CCDC7: variants seen among roughly 807,000 people sequenced by gnomAD.
The protein encoded by CCDC7 is coiled-coil domain-containing protein 7.
A neutral mutation model predicts 196.9 loss-of-function variants in CCDC7; 183 were observed. The observed-to-expected ratio is 0.93, with a 90% CI of 0.82 to 1.05. The LOEUF (loss-of-function observed/expected upper bound fraction) is 1.05. CCDC7 is among the 50% of genes least tolerant of loss of function. The pLI is 0.00. For missense variants in CCDC7, 1,540 were observed against 1,482.2 expected (o/e 1.04, Z -0.64); for synonymous variants, 525 against 484.6 (o/e 1.08, Z -1.10).
chr10:32,455,801 A>G (rs2034203673), intron 2 of CCDC7, among the ~76,000 whole-genome samples: 1 of 152,188 alleles, frequency 6.6e-6, no homozygotes, highest in Non-Finnish European at 1.5e-5. Flanking sequence ...TTTTTTCCTC[A>G]AAGTTGTGTA....
intron 23 of CCDC7, among the ~76,000 whole-genome samples, chr10:32,692,517 A>G (rs757446728): frequency 3.9e-5 from 6 of 152,116 alleles, no homozygotes; most frequent in Non-Finnish European, 8.8e-5. Flanking sequence ...GTCTCTTGCA[A>G]TTGATCCAGT....
intron 20 of CCDC7, among the ~76,000 whole-genome samples, chr10:32,655,214 G>T (rs946618412): frequency 6.6e-6 from 1 of 152,162 alleles, no homozygotes; most frequent in Non-Finnish European, 1.5e-5. Flanking sequence ...GCTGTTGGTT[G>T]ACTGGGTTAC....
rs562423428 is a variant in CCDC7 at position 32,641,501 on chromosome 10, A to G, written c.2014+6343A>G. ...TTCTCATGCCTTGGTTTTCAGCTCC[A>G]TCAGGTCCTTTAAGGACTTCTCTGC... is the stretch of plus-strand genomic sequence containing the variant. On this transcript the variant is annotated intron_variant, in intron 20 of 41. Coordinates refer to ENST00000639629, the Ensembl canonical transcript of CCDC7. Among the ~76,000 whole-genome samples the G allele has an allele frequency of 1.2e-4, 19 of 152,272 alleles. 1 individual carries two copies. The South Asian group carries it at 3.9e-3, about 32-fold the overall frequency.
At chr10:32,822,493 T>A (rs1262641038) in intron 31 of CCDC7, among the ~76,000 whole-genome samples, 1 of 152,148 alleles carries the variant, frequency 6.6e-6, no homozygotes, top group African/African-American at 2.4e-5. Context: ...GTACTTGATC[T>A]TCTTTCTTTT....
intron 13 of CCDC7, among the ~76,000 whole-genome samples, chr10:32,553,616 A>G (rs1430283817): frequency 6.6e-6 from 1 of 152,044 alleles, no homozygotes; most frequent in African/African-American, 2.4e-5. Context: ...TGTTCCCTTG[A>G]TGTAGTACTC....
chr10:32,603,133 A>G (rs1240411072), intron 18 of CCDC7, among the ~76,000 whole-genome samples: 5 of 150,126 alleles, frequency 3.3e-5, no homozygotes, highest in African/African-American at 9.8e-5. Context: ...TGTAGCTATC[A>G]TTGTACTCTA....
intron 21 of CCDC7, among the ~76,000 whole-genome samples, chr10:32,685,337 A>G (rs748165396): frequency 2.6e-5 from 4 of 151,754 alleles, no homozygotes; most frequent in Non-Finnish European, 5.9e-5. Context: ...AACTTTCATT[A>G]TACTATAGTT....
exon 17 of CCDC7, chr10:32,583,081 T>C (rs1449063990): frequency 2.4e-6 from 3 of 1,231,218 alleles, no homozygotes; most frequent in African/African-American, 3.1e-5. Flanking sequence ...CTTTCACAGA[T>C]CCTTAAGTCT....
At chr10:32,686,956 G>A (rs896722781) in intron 22 of CCDC7, among the ~76,000 whole-genome samples, 1 of 152,192 alleles carries the variant, frequency 6.6e-6, no homozygotes, top group African/African-American at 2.4e-5. Flanking sequence ...TTTTAAAGAT[G>A]TGTTGCAACC....
chr10:32,813,416 C>A (rs1193669100), intron 30 of CCDC7, among the ~76,000 whole-genome samples: 3 of 152,154 alleles, frequency 2.0e-5, no homozygotes, highest in Non-Finnish European at 2.9e-5. Flanking sequence ...CTCCTTGATT[C>A]ATGTTCAAGG....
At chr10:32,516,202 G>A (rs894861943) in intron 9 of CCDC7, among the ~76,000 whole-genome samples, 1 of 151,896 alleles carries the variant, frequency 6.6e-6, no homozygotes, top group African/African-American at 2.4e-5. Context: ...AATAGGCAAA[G>A]GATCTGAATA....
intron 21 of CCDC7, among the ~76,000 whole-genome samples, chr10:32,682,027 C>G (rs1026124867): frequency 6.6e-6 from 1 of 151,986 alleles, no homozygotes; most frequent in Non-Finnish European, 1.5e-5. Context: ...TATTTTTCAA[C>G]TTTTATTTTA....
At chr10:32,606,584 A>G (rs1233280813) in intron 18 of CCDC7, among the ~76,000 whole-genome samples, 1 of 152,194 alleles carries the variant, frequency 6.6e-6, no homozygotes, top group Non-Finnish European at 1.5e-5. Flanking sequence ...TTGTACCAGT[A>G]TGCCCTGGAT....
chr10:32,767,018 T>C (rs540631414), intron 28 of CCDC7, among the ~76,000 whole-genome samples: 1 of 152,084 alleles, frequency 6.6e-6, no homozygotes, highest in Non-Finnish European at 1.5e-5. Flanking sequence ...CATTCAGCCA[T>C]CTTGCTCCAA....
At chr10:32,788,037 A>T (rs1366447710) in intron 29 of CCDC7, among the ~76,000 whole-genome samples, 3 of 152,122 alleles carry the variant, frequency 2.0e-5, no homozygotes, top group Non-Finnish European at 4.4e-5. Context: ...CTAGGCTGGA[A>T]TTTGCAGCCC....
chr10:32,589,693 T>C (rs2059605902), intron 18 of CCDC7, among the ~76,000 whole-genome samples: 2 of 152,208 alleles, frequency 1.3e-5, no homozygotes, highest in African/African-American at 4.8e-5. Flanking sequence ...TGTCTTTCTT[T>C]AGCTTTAATA....
intron 28 of CCDC7, among the ~76,000 whole-genome samples, chr10:32,761,589 A>G (rs1261332922): frequency 6.6e-6 from 1 of 151,982 alleles, no homozygotes; most frequent in African/African-American, 2.4e-5. Context: ...AAAACTTTCT[A>G]TGACTACCCT....
At chr10:32,673,316 T>A (rs1014391362) in intron 21 of CCDC7, among the ~76,000 whole-genome samples, 1 of 152,162 alleles carries the variant, frequency 6.6e-6, no homozygotes, top group African/African-American at 2.4e-5. Flanking sequence ...TATTTCAATT[T>A]CTGTAAAAGT....
chr10:32,673,736 G>A (rs2074463198), intron 21 of CCDC7, among the ~76,000 whole-genome samples: 1 of 151,056 alleles, frequency 6.6e-6, no homozygotes, highest in South Asian at 2.1e-4. Context: ...TAGTGAGACT[G>A]AACCAGTAAC....
Sources: gnomAD v4.1 joint callset for allele counts (sites outside exome capture counted in the v4.1 genomes callset) on GRCh38, gnomAD v4.1.1 for gene constraint, MANE v1.5 for transcripts, NCBI Gene and HGNC (gene_info 2026-07-23, HGNC 2026-07-21) for gene names.